The following CCDC73 variants were observed in gnomAD, a reference collection of about 807,000 sequenced individuals.
The protein encoded by CCDC73 is coiled-coil domain-containing protein 73.
CCDC73 carries 95 observed loss-of-function variants against 116.5 expected under a neutral mutation model. That is an observed-to-expected ratio of 0.82 (90% CI 0.69 to 0.97). The LOEUF (loss-of-function observed/expected upper bound fraction) is 0.97, where lower values mean the gene tolerates loss of function less well. Ranked by LOEUF, CCDC73 falls within the 50% of genes least tolerant of loss-of-function variation. The pLI, the probability that CCDC73 is intolerant of heterozygous loss-of-function variation, is 0.00. For synonymous variants in CCDC73, 398 were observed against 401.3 expected, an observed-to-expected ratio of 0.99 and a Z score of 0.10; for missense variants, 1,066 against 1,206.8, an observed-to-expected ratio of 0.88 and a Z score of 1.73.
chr11:32,678,714 C>T (rs1239408881), intron 7 of CCDC73, among the ~76,000 whole-genome samples: 1 of 151,798 alleles, frequency 6.6e-6, no homozygotes, highest in Non-Finnish European at 1.5e-5. Context: ...TGAAACCTGT[C>T]TCTACTAAAA....
intron 1 of CCDC73, among the ~76,000 whole-genome samples, chr11:32,771,166 C>G (rs1309670901): frequency 6.6e-6 from 1 of 152,140 alleles, no homozygotes; most frequent in Admixed American, 6.5e-5. Flanking sequence ...GGCAGCAGCA[C>G]TGCCAGCTTG....
chr11:32,736,640 A>G lies in CCDC73; in HGVS notation c.136-18493T>C, dbSNP rs375653907. Among the ~76,000 whole-genome samples the G allele has an allele frequency of 8.8e-4, 134 of 151,994 alleles. No individual in the cohort carries two copies. In the Middle Eastern group the frequency reaches 0.014, roughly 15 times the overall value. The stretch of plus-strand genomic sequence containing the variant: ...GATCTAGAACTAGAAATACCATTTG[A>G]CCCAGCCATCCCACTACTGGGTATA... On this transcript the variant is annotated intron_variant, in intron 2 of 17. Coordinates refer to ENST00000335185, the MANE Select transcript of CCDC73 (RefSeq NM_001008391.4).
chr11:32,653,370 T>A (rs1473079155), intron 11 of CCDC73, 143 bp from the exon 12 acceptor site: 2 of 478,694 alleles, frequency 4.2e-6, no homozygotes, highest in African/African-American at 4.0e-5. Context: ...TAATGGCACA[T>A]CTAATGGTAT....
intron 2 of CCDC73, among the ~76,000 whole-genome samples, chr11:32,737,273 G>GTGTGTGTGTGTA (rs1341655491): frequency 4.6e-5 from 6 of 131,748 alleles, no homozygotes; most frequent in South Asian, 2.5e-4. Context: ...GTGTGTGTGT[G>GTGTGTGTGTGTA]TATATACATG....
chr11:32,806,630 C>CAAA, the CCDC73 span, among the ~76,000 whole-genome samples: 744 of 125,518 alleles, frequency 5.9e-3, 7 homozygotes, highest in African/African-American at 0.02. Context: ...AGACCTGTCT[C>CAAA]AAAAAAAAAA....
rs2133263190 is a variant in CCDC73, at chr11:32,654,914, A to T, written c.704T>A (p.Met235Lys). ...IKSKVTCQYK[M>K]GEENINLTIK... ...TGTTAGATTGATGTTTTCTTCTCCC[A>T]TCTTATATTGACATGTGACTTTGGA... The change falls in exon 10 of 18, where the codon ATG becomes AAG. Residue 235 changes from methionine (M) to lysine (K), a missense_variant. By Grantham distance (95) the Met-to-Lys change is moderately conservative. Transcript: ENST00000335185. 1.2e-6 allele frequency: 2 copies of T among 1,604,384 alleles called. No individual in the cohort carries two copies. The highest frequency in any genetic ancestry group is 4.5e-5 in the East Asian group (2 of 44,624).
chr11:32,736,279 T>C (rs1172002928), intron 2 of CCDC73, among the ~76,000 whole-genome samples: 1 of 151,936 alleles, frequency 6.6e-6, no homozygotes, highest in African/African-American at 2.4e-5. Flanking sequence ...AGGGCTAATA[T>C]CCAGAATCTA....
intron 17 of CCDC73, among the ~76,000 whole-genome samples, chr11:32,607,161 C>T (rs1406312452): frequency 1.7e-4 from 22 of 129,004 alleles, no homozygotes; most frequent in Admixed American, 4.6e-4. Context: ...GGCGGGATCT[C>T]GGCTCACTGC....
At chr11:32,644,897 T>C (rs1008235951) in intron 12 of CCDC73, among the ~76,000 whole-genome samples, 21 of 152,326 alleles carry the variant, frequency 1.4e-4, no homozygotes, top group African/African-American at 3.8e-4. Flanking sequence ...CAAAATGCAT[T>C]TGAGATTCAT....
At chr11:32,617,460 A>T (rs1009390863) in intron 14 of CCDC73, among the ~76,000 whole-genome samples, 1 of 152,208 alleles carries the variant, frequency 6.6e-6, no homozygotes. Flanking sequence ...CCACCAAACT[A>T]ATTTCCATGA....
chr11:32,772,890 G>A (rs1489242171), intron 1 of CCDC73, among the ~76,000 whole-genome samples: 1 of 152,096 alleles, frequency 6.6e-6, no homozygotes, highest in African/African-American at 2.4e-5. Flanking sequence ...AACAGCCCAG[G>A]TAGTTCCTCA....
chr11:32,699,592 G>A (rs1849791116), intron 5 of CCDC73, among the ~76,000 whole-genome samples: 1 of 152,066 alleles, frequency 6.6e-6, no homozygotes, highest in Non-Finnish European at 1.5e-5. Context: ...GGACATGGAT[G>A]AAGCTGGAAA....
At chr11:32,773,221 C>G (rs920639960) in intron 1 of CCDC73, among the ~76,000 whole-genome samples, 1 of 152,004 alleles carries the variant, frequency 6.6e-6, no homozygotes, top group Non-Finnish European at 1.5e-5. Flanking sequence ...CCAGAATAAG[C>G]AAATCCACAG....
At chr11:32,758,414 T>G in intron 2 of CCDC73, 1 of 492,920 alleles carries the variant, frequency 2.0e-6, no homozygotes, top group Non-Finnish European at 4.0e-6. Flanking sequence ...GTGGCATGCC[T>G]CCAAGTAGAT....
intron 2 of CCDC73, among the ~76,000 whole-genome samples, chr11:32,725,755 T>C (rs1198783402): frequency 1.8e-4 from 28 of 152,152 alleles, no homozygotes; most frequent in Admixed American, 1.8e-3. Context: ...GCAAAAAGAC[T>C]GATGATGTAG....
chr11:32,822,783 C>T, the CCDC73 span, among the ~76,000 whole-genome samples: 26 of 149,894 alleles, frequency 1.7e-4, no homozygotes, highest in African/African-American at 6.4e-4. Flanking sequence ...GAGAAAGAAA[C>T]GTAAAATTGT....
intron 9 of CCDC73, among the ~76,000 whole-genome samples, chr11:32,669,415 T>C (rs1466463486): frequency 1.3e-5 from 2 of 152,194 alleles, no homozygotes; most frequent in African/African-American, 4.8e-5. Flanking sequence ...AGTCACATCA[T>C]AGAAAATGGG....
chr11:32,818,856 T>C, the CCDC73 span, among the ~76,000 whole-genome samples: 2 of 152,156 alleles, frequency 1.3e-5, no homozygotes, highest in African/African-American at 4.8e-5. Flanking sequence ...ATGTCCAGAA[T>C]AGGCAAATCC....
At chr11:32,729,352 G>T (rs187029633) in intron 2 of CCDC73, among the ~76,000 whole-genome samples, 4 of 152,130 alleles carry the variant, frequency 2.6e-5, no homozygotes, top group Non-Finnish European at 4.4e-5. Context: ...ACATGATCTC[G>T]TTCCTTTTTA....
Sources: allele counts gnomAD v4.1 joint callset (sites outside exome capture counted in the v4.1 genomes callset), GRCh38; gene constraint gnomAD v4.1.1; transcripts MANE v1.5; gene names NCBI Gene and HGNC (gene_info 2026-07-23, HGNC 2026-07-21).